The following UMAD1 variants were observed in gnomAD, a reference collection of about 807,000 sequenced individuals.
UMAD1 encodes the protein UBAP1-MVB12-associated (UMA)-domain containing protein 1.
A neutral mutation model predicts 6.1 loss-of-function variants in UMAD1; 8 were observed. That is an observed-to-expected ratio of 1.30 (90% confidence interval 0.76 to 2.35). The LOEUF (loss-of-function observed/expected upper bound fraction) is 2.35. Ranked by LOEUF, UMAD1 falls within the 30% of genes most tolerant of loss-of-function variation. The pLI is 0.00. For synonymous variants in UMAD1, 56 were observed against 31.4 expected, an observed-to-expected ratio of 1.78 and a Z score of -2.61; for missense variants, 130 against 78.4, an observed-to-expected ratio of 1.66 and a Z score of -2.49.
intron 1 of UMAD1, among the ~76,000 whole-genome samples, chr7:7,672,368 G>T (rs1453165388): frequency 6.6e-6 from 1 of 152,130 alleles, no homozygotes; most frequent in Non-Finnish European, 1.5e-5. Flanking sequence ...GCTTGTATTT[G>T]TGTGCGTGTG....
intron 1 of UMAD1, among the ~76,000 whole-genome samples, chr7:7,642,307 AT>A (rs34122358): frequency 1.3e-5 from 2 of 149,460 alleles, no homozygotes; most frequent in African/African-American, 2.5e-5. Flanking sequence ...GCTAATAAAG[AT>A]TTTTTTTTTG....
At chr7:7,806,563 T>C (rs927599094) in intron 3 of UMAD1, among the ~76,000 whole-genome samples, 2 of 152,204 alleles carry the variant, frequency 1.3e-5, no homozygotes, top group Non-Finnish European at 2.9e-5. Context: ...AATCCACTTA[T>C]CTTTATTAAA....
chr7:7,696,883 A>T lies in UMAD1; in HGVS notation c.82+23430A>T, dbSNP rs150524703. Among the ~76,000 whole-genome samples the T allele has an allele frequency of 9.2e-5, 14 of 152,038 alleles. No individual in the cohort carries two copies. In the East Asian group the frequency reaches 2.7e-3, roughly 29 times the overall value. ...TGCCCTTTTCAGACATTCCTTCTGA[A>T]ATCTGTTAAGAATAACATAAGACTA... On this transcript the variant is annotated intron_variant, in intron 2 of 3. Coordinates refer to ENST00000682710, the MANE Select transcript of UMAD1 (RefSeq NM_001302348.2).
intron 3 of UMAD1, among the ~76,000 whole-genome samples, chr7:7,802,708 G>T (rs1259348466): frequency 6.6e-6 from 1 of 152,138 alleles, no homozygotes. Flanking sequence ...GCATATGAGG[G>T]TATTGCTGCA....
In UMAD1 at chr7:7,717,506, A is replaced by G. The variant is rs187697230; in HGVS notation, c.82+44053A>G. Among the ~76,000 whole-genome samples, 285 of 152,306 alleles carry G rather than the reference A, an allele frequency of 1.9e-3. 1 individual carries two copies. The highest frequency in any genetic ancestry group is 6.6e-3 in the African/African-American group (274 of 41,570). ...GAAGTATTTACTTTATTAAATGAAT[A>G]TGATTTATTGTTTTGAAGTAAAATG... On this transcript the variant is annotated intron_variant, in intron 2 of 3. Coordinates refer to ENST00000682710, the MANE Select transcript of UMAD1 (RefSeq NM_001302348.2).
chr7:7,799,749 G>C (rs1309775140), intron 2 of UMAD1, among the ~76,000 whole-genome samples: 1 of 152,194 alleles, frequency 6.6e-6, no homozygotes, highest in Non-Finnish European at 1.5e-5. Context: ...TCATGCATTG[G>C]TTTTTCCAGT....
At chr7:7,821,420 AC>A (rs1444911055) in intron 3 of UMAD1, among the ~76,000 whole-genome samples, 1 of 152,200 alleles carries the variant, frequency 6.6e-6, no homozygotes, top group East Asian at 1.9e-4. Context: ...AATTAATTTC[AC>A]CTGTTTAACT....
At chr7:7,719,661 T>G (rs1756905003) in intron 2 of UMAD1, among the ~76,000 whole-genome samples, 2 of 152,196 alleles carry the variant, frequency 1.3e-5, no homozygotes, top group African/African-American at 4.8e-5. Context: ...TTCACGTTAG[T>G]GACTACTGTA....
chr7:7,807,741 C>A (rs555458297), intron 3 of UMAD1, among the ~76,000 whole-genome samples: 1 of 152,186 alleles, frequency 6.6e-6, no homozygotes, highest in Admixed American at 6.5e-5. Flanking sequence ...ATTTGAGAGA[C>A]TTTGCAGTTC....
chr7:7,679,741 C>G (rs973031298), intron 2 of UMAD1, among the ~76,000 whole-genome samples: 1 of 144,016 alleles, frequency 6.9e-6, no homozygotes, highest in Non-Finnish European at 1.5e-5. Flanking sequence ...TACACACACA[C>G]ATATTAAGAG....
At chr7:7,805,137 GTC>G (rs1782887053) in intron 3 of UMAD1, among the ~76,000 whole-genome samples, 1 of 152,030 alleles carries the variant, frequency 6.6e-6, no homozygotes, top group African/African-American at 2.4e-5. Flanking sequence ...CCTAAAATAT[GTC>G]TCTACCTAGA....
intron 3 of UMAD1, among the ~76,000 whole-genome samples, chr7:7,829,360 C>A (rs957299353): frequency 3.9e-5 from 6 of 152,136 alleles, no homozygotes; most frequent in Admixed American, 2.0e-4. Flanking sequence ...GACTTTAATT[C>A]TTGAATTTAT....
intron 3 of UMAD1, among the ~76,000 whole-genome samples, chr7:7,813,405 C>T (rs1783062100): frequency 6.6e-6 from 1 of 152,082 alleles, no homozygotes; most frequent in Non-Finnish European, 1.5e-5. Flanking sequence ...AGGGTTTCAC[C>T]GTATCGGCCA....
chr7:7,685,174 T>C (rs10263415), intron 2 of UMAD1, among the ~76,000 whole-genome samples: 85,686 of 151,980 alleles, frequency 0.56, 24,523 homozygotes, highest in East Asian at 0.8. Context: ...AAGACCTGAA[T>C]GTCTTTCTGG....
chr7:7,867,676 G>A (rs965218572), intron 3 of UMAD1, among the ~76,000 whole-genome samples: 5 of 152,098 alleles, frequency 3.3e-5, no homozygotes, highest in Non-Finnish European at 7.4e-5. Flanking sequence ...GGGTGAGGGA[G>A]GCATGGCAGA....
chr7:7,802,346 C>T (rs1782819263), intron 3 of UMAD1, among the ~76,000 whole-genome samples: 1 of 151,698 alleles, frequency 6.6e-6, no homozygotes, highest in Non-Finnish European at 1.5e-5. Flanking sequence ...CCTCTGCGCT[C>T]CTGCCTGGCG....
At chr7:7,755,433 G>A (rs191885092) in intron 2 of UMAD1, among the ~76,000 whole-genome samples, 1 of 152,322 alleles carries the variant, frequency 6.6e-6, no homozygotes, top group African/African-American at 2.4e-5. Flanking sequence ...AGTATACTGT[G>A]TCTTAAGAAT....
At chr7:7,717,015 G>C (rs1296828024) in intron 2 of UMAD1, among the ~76,000 whole-genome samples, 1 of 151,862 alleles carries the variant, frequency 6.6e-6, no homozygotes, top group Admixed American at 6.6e-5. Flanking sequence ...CTCTGCACGA[G>C]GGAGCTTTCC....
At chr7:7,840,039 T>C (rs754932215) in intron 3 of UMAD1, among the ~76,000 whole-genome samples, 1 of 152,068 alleles carries the variant, frequency 6.6e-6, no homozygotes, top group Non-Finnish European at 1.5e-5. Flanking sequence ...AACAGAGAAT[T>C]CAAGCTGGAT....
Sources: allele counts gnomAD v4.1 joint callset (sites outside exome capture counted in the v4.1 genomes callset), GRCh38; gene constraint gnomAD v4.1.1; transcripts MANE v1.5; gene names NCBI Gene and HGNC (gene_info 2026-07-23, HGNC 2026-07-21).